The following EYS variants were observed in gnomAD, a reference collection of about 807,000 sequenced individuals.
The protein encoded by EYS is EGF-like photoreceptor maintenance factor.
EYS carries 250 observed loss-of-function variants against 282.1 expected under a neutral mutation model. That is an observed-to-expected ratio of 0.89 (90% CI 0.80 to 0.98). The LOEUF is 0.98. EYS is among the 50% of genes least tolerant of loss of function. The probability of loss-of-function intolerance (pLI) is 0.00; values close to 1 mark genes in which losing one functional copy is unlikely to be tolerated. For missense variants in EYS, 4,016 were observed against 3,709.0 expected, an observed-to-expected ratio of 1.08 and a Z score of -2.15; for synonymous variants, 1,355 against 1,282.9, an observed-to-expected ratio of 1.06 and a Z score of -1.20.
chr6:64,931,054 T>C (rs1369022979), intron 15 of EYS, among the ~76,000 whole-genome samples: 1 of 152,174 alleles, frequency 6.6e-6, no homozygotes, highest in Non-Finnish European at 1.5e-5. Context: ...TTTAATGTCT[T>C]GAAACTGTGT....
chr6:64,878,755 G>T (rs1296592320), intron 19 of EYS, among the ~76,000 whole-genome samples: 2 of 144,942 alleles, frequency 1.4e-5, no homozygotes, highest in African/African-American at 5.0e-5. Flanking sequence ...TGGGAAATAA[G>T]GATTTTTTTT....
rs138594255 is a variant in EYS, at chr6:65,682,361, A to T, written c.-448+24774T>A. On this transcript the variant is annotated intron_variant, in intron 1 of 42. Coordinates refer to ENST00000503581, the MANE Select transcript of EYS (RefSeq NM_001142800.2). ...ATTTATTATCCTGATTAGGAGACAAATCTTGTCTCTGACCCAAAAGGAAAC... is the reference window on the plus strand; with the variant it reads ...ATTTATTATCCTGATTAGGAGACAATTCTTGTCTCTGACCCAAAAGGAAAC... Among the ~76,000 whole-genome samples, 20 of 152,038 alleles carry T rather than the reference A, an allele frequency of 1.3e-4. No individual in the cohort carries two copies. The East Asian group carries it at 3.3e-3, about 25-fold the overall frequency.
At chr6:64,769,743 G>A (rs1242221115) in intron 22 of EYS, among the ~76,000 whole-genome samples, 1 of 151,926 alleles carries the variant, frequency 6.6e-6, no homozygotes, top group Non-Finnish European at 1.5e-5. Context: ...AACTGAGGTA[G>A]GAAAGATGGA....
chr6:65,465,000 A>G (rs756501619), intron 5 of EYS, among the ~76,000 whole-genome samples: 4 of 152,212 alleles, frequency 2.6e-5, no homozygotes, highest in Non-Finnish European at 5.9e-5. Flanking sequence ...ATATTTATAG[A>G]TAGTTCTACA....
In EYS at chr6:65,340,987, C is replaced by T. The variant is rs141680658; in HGVS notation, c.1599+3051G>A. On this transcript the variant is annotated intron_variant, in intron 10 of 42. Transcript: ENST00000503581. ...TCTAAACTCCAATATTTTTCATCAACTTCACAAATGTCATGTTTCTGTTGT... is the reference window on the plus strand; with the variant it reads ...TCTAAACTCCAATATTTTTCATCAATTTCACAAATGTCATGTTTCTGTTGT... 3.0e-3 allele frequency among the ~76,000 whole-genome samples: 447 copies of T among 151,132 alleles called. 3 individuals are homozygous for T. The highest frequency in any genetic ancestry group is 0.01 in the African/African-American group (434 of 41,420).
intron 41 of EYS, among the ~76,000 whole-genome samples, chr6:63,756,878 C>A (rs923942394): frequency 1.3e-5 from 2 of 152,116 alleles, no homozygotes; most frequent in South Asian, 2.1e-4. Flanking sequence ...AATTTCTTAT[C>A]CCTGTCTTTA....
chr6:65,599,216 C>T (rs954533856), intron 2 of EYS, among the ~76,000 whole-genome samples: 39 of 151,918 alleles, frequency 2.6e-4, no homozygotes, highest in African/African-American at 9.2e-4. Context: ...TGATGGCCAA[C>T]TGTAATTATT....
At chr6:65,529,442 T>A (rs1767682267) in intron 2 of EYS, among the ~76,000 whole-genome samples, 1 of 152,122 alleles carries the variant, frequency 6.6e-6, no homozygotes, top group Admixed American at 6.5e-5. Flanking sequence ...AATTCAGAAG[T>A]ACAGGAGAAC....
At chr6:64,381,219 T>A (rs958050982) in intron 29 of EYS, among the ~76,000 whole-genome samples, 1 of 152,158 alleles carries the variant, frequency 6.6e-6, no homozygotes, top group African/African-American at 2.4e-5. Flanking sequence ...CTCTACCTAG[T>A]TAGTATAAGG....
chr6:65,650,482 C>T (rs1346494301), intron 1 of EYS, among the ~76,000 whole-genome samples: 2 of 152,110 alleles, frequency 1.3e-5, no homozygotes, highest in African/African-American at 2.4e-5. Context: ...CAGTGTATTG[C>T]CAGACCCCAG....
At chr6:64,760,531 T>G (rs1476722871) in intron 22 of EYS, among the ~76,000 whole-genome samples, 1 of 152,048 alleles carries the variant, frequency 6.6e-6, no homozygotes, top group Non-Finnish European at 1.5e-5. Context: ...TTCTACCCAG[T>G]CCCCTTTTCT....
chr6:63,752,709 A>C (rs1252271769), intron 41 of EYS, among the ~76,000 whole-genome samples: 3 of 151,696 alleles, frequency 2.0e-5, no homozygotes, highest in Non-Finnish European at 2.9e-5. Context: ...GTTACCCAGG[A>C]TGGTCTCGAT....
At chr6:64,685,464 T>C (rs1185893448) in intron 22 of EYS, among the ~76,000 whole-genome samples, 1 of 152,124 alleles carries the variant, frequency 6.6e-6, no homozygotes, top group East Asian at 1.9e-4. Context: ...CCCTCATGAA[T>C]AGACTAATGT....
At chr6:65,283,001 T>C (rs186422307) in intron 12 of EYS, among the ~76,000 whole-genome samples, 2 of 152,108 alleles carry the variant, frequency 1.3e-5, no homozygotes, top group Admixed American at 1.3e-4. Context: ...ATCCACATGC[T>C]AAAATTTGTC....
intron 26 of EYS, among the ~76,000 whole-genome samples, chr6:64,588,284 A>G (rs543436933): frequency 1.3e-5 from 2 of 152,094 alleles, no homozygotes; most frequent in Non-Finnish European, 2.9e-5. Flanking sequence ...GACAAAATAC[A>G]AGCTGGAAAT....
At chr6:64,958,763 A>T (rs988594232) in intron 14 of EYS, among the ~76,000 whole-genome samples, 2 of 147,778 alleles carry the variant, frequency 1.4e-5, no homozygotes, top group African/African-American at 5.0e-5. Context: ...AAAAAAAAAA[A>T]GAAACAATCT....
At chr6:63,835,331 C>G (rs1771776353) in intron 36 of EYS, among the ~76,000 whole-genome samples, 1 of 147,038 alleles carries the variant, frequency 6.8e-6, no homozygotes, top group African/African-American at 2.5e-5. Flanking sequence ...CATATATACT[C>G]TCTCTCTATA....
intron 2 of EYS, among the ~76,000 whole-genome samples, chr6:65,524,188 T>C (rs1767474755): frequency 6.6e-6 from 1 of 152,162 alleles, no homozygotes; most frequent in Admixed American, 6.5e-5. Context: ...CCAATTTTCC[T>C]ATAGCAGTCA....
intron 33 of EYS, among the ~76,000 whole-genome samples, chr6:64,010,067 T>A (rs1768536174): frequency 6.6e-6 from 1 of 152,056 alleles, no homozygotes; most frequent in African/African-American, 2.4e-5. Flanking sequence ...GGGGTGGGGC[T>A]GGTACCAGAC....
Sources: gnomAD v4.1 joint callset for allele counts (sites outside exome capture counted in the v4.1 genomes callset) on GRCh38, gnomAD v4.1.1 for gene constraint, MANE v1.5 for transcripts, NCBI Gene and HGNC (gene_info 2026-07-23, HGNC 2026-07-21) for gene names.